Variants in ABR observed in about 807,000 individuals in gnomAD.
ABR encodes the protein ABR activator of RhoGEF and GTPase.
ABR carries 35 observed loss-of-function variants against 107.2 expected under a neutral mutation model. The ratio of observed to expected loss-of-function variants is 0.33; its 90% confidence interval spans 0.25 to 0.43. The LOEUF (loss-of-function observed/expected upper bound fraction) is 0.43, where lower values mean the gene tolerates loss of function less well. ABR is among the 20% of genes least tolerant of loss of function. The pLI, the probability that ABR is intolerant of heterozygous loss-of-function variation, is 1.00. For missense variants in ABR, 815 were observed against 1,115.2 expected (o/e 0.73, Z 3.83); for synonymous variants, 498 against 462.0 (o/e 1.08, Z -1.00).
intron 21 of ABR, 90 bp from the exon 22 acceptor site, chr17:1,007,402 G>A: frequency 6.7e-7 from 1 of 1,487,786 alleles, no homozygotes; most frequent in Non-Finnish European, 9.2e-7. Context: ...GGGAACTCCT[G>A]AAGGACTCCT....
intron 16 of ABR, among the ~76,000 whole-genome samples, chr17:1,039,381 G>C (rs1006348878): frequency 9.2e-5 from 14 of 152,230 alleles, no homozygotes; most frequent in Admixed American, 6.5e-5. Context: ...GGGCGATGGA[G>C]GCAGCTGAGC....
intron 1 of ABR, among the ~76,000 whole-genome samples, chr17:1,217,162 C>T (rs559747397): frequency 2.6e-5 from 4 of 152,232 alleles, no homozygotes; most frequent in South Asian, 4.2e-4. Context: ...AAACAGAAGG[C>T]GAGGCAGCTG....
chr17:1,050,034 G>T lies in ABR; in HGVS notation c.1791+16C>A. The T allele has an allele frequency of 6.2e-7, 1 of 1,610,194 alleles. No individual in the cohort carries two copies. Among genetic ancestry groups the T allele is most frequent in the South Asian group, 1.1e-5 (1 of 90,428 alleles). ...CTGGAGGCTCCCTCAGCCTCGCCCC[G>T]GCGCCCTGGCCTCACCTGGATCTGT... On this transcript the variant is annotated intron_variant, in intron 16 of 22. Transcript: ENST00000302538. This position sits in a 1 kb window ranked among gnomAD's most constrained non-coding sequence, Gnocchi z 4.6.
chr17:1,015,018 C>CA (rs763999207), intron 16 of ABR, among the ~76,000 whole-genome samples: 33 of 151,934 alleles, frequency 2.2e-4, no homozygotes, highest in East Asian at 9.6e-4. Context: ...TTTGCTTCCA[C>CA]AAAAAAAATC....
At chr17:1,194,941 C>T (rs1258406292) in intron 1 of ABR, among the ~76,000 whole-genome samples, 6 of 144,038 alleles carry the variant, frequency 4.2e-5, no homozygotes, top group East Asian at 2.4e-4. Context: ...TGTGAGCCAC[C>T]GCGCCCGACC....
chr17:1,215,294 A>AG (rs2042978215), intron 1 of ABR, among the ~76,000 whole-genome samples: 1 of 151,380 alleles, frequency 6.6e-6, no homozygotes, highest in Non-Finnish European at 1.5e-5. Context: ...GCCGAGCCGA[A>AG]GCTGGACTGT....
chr17:1,207,420 C>T (rs1473080464), intron 1 of ABR, among the ~76,000 whole-genome samples: 10 of 151,816 alleles, frequency 6.6e-5, no homozygotes, highest in East Asian at 3.9e-4. Context: ...GAGGCTGAGG[C>T]GGGCGGATCA....
At chr17:1,026,219 A>G (rs1428244087) in intron 16 of ABR, among the ~76,000 whole-genome samples, 1 of 152,248 alleles carries the variant, frequency 6.6e-6, no homozygotes, top group East Asian at 1.9e-4. Context: ...GCGGGCACAC[A>G]GCAGTTAAGT....
At chr17:1,088,952 A>T (rs1050939677) in intron 4 of ABR, among the ~76,000 whole-genome samples, 3 of 137,608 alleles carry the variant, frequency 2.2e-5, no homozygotes, top group African/African-American at 8.3e-5. Flanking sequence ...CTGGAGTGCA[A>T]TGGTGTGGTT....
intron 16 of ABR, chr17:1,031,750 G>GGT: frequency 8.1e-7 from 1 of 1,236,802 alleles, no homozygotes; most frequent in Non-Finnish European, 1.0e-6. Context: ...ATGCCGGGGG[G>GGT]GACGGGACGC....
At chr17:1,132,264 C>G (rs1217854597) in intron 1 of ABR, among the ~76,000 whole-genome samples, 2 of 152,180 alleles carry the variant, frequency 1.3e-5, no homozygotes, top group Middle Eastern at 3.4e-3. Flanking sequence ...TCTCCTTACC[C>G]CTTGTCCACC....
upstream of ABR, among the ~76,000 whole-genome samples, chr17:1,189,027 G>A (rs576585409): frequency 1.4e-4 from 22 of 152,188 alleles, no homozygotes; most frequent in Non-Finnish European, 2.8e-4. Flanking sequence ...CCAAGCTCTT[G>A]GCACCTTGTC....
At chr17:1,034,723 C>T (rs768988886) in intron 16 of ABR, among the ~76,000 whole-genome samples, 2 of 152,142 alleles carry the variant, frequency 1.3e-5, no homozygotes, top group Non-Finnish European at 2.9e-5. Context: ...CTGCTCTCCA[C>T]GTTTGCGCCA....
At chr17:1,077,840 G>A (rs2035855408) in intron 6 of ABR, among the ~76,000 whole-genome samples, 1 of 152,214 alleles carries the variant, frequency 6.6e-6, no homozygotes, top group South Asian at 2.1e-4. Context: ...TGCTCCCACA[G>A]ACTCAGGCCC....
At chr17:1,067,825 G>A (rs1234383663) in intron 9 of ABR, among the ~76,000 whole-genome samples, 1 of 152,196 alleles carries the variant, frequency 6.6e-6, no homozygotes, top group East Asian at 1.9e-4. Flanking sequence ...CCATCGCAAA[G>A]GACGACAGGC....
rs1057371442 is a variant in ABR at position 1,150,191 on chromosome 17, G to A, written c.62-24824C>T. On this transcript the variant is annotated intron_variant, in intron 1 of 22. Coordinates refer to ENST00000302538, the MANE Select transcript of ABR (RefSeq NM_021962.5). This position sits in a 1 kb window ranked among gnomAD's most constrained non-coding sequence, Gnocchi z 4.8. ...TGAGATTACAGACGTGAGCCACCGCGCCCGGCCTGTGTCAGAATTTTTTTT... is the reference window on the plus strand; with the variant it reads ...TGAGATTACAGACGTGAGCCACCGCACCCGGCCTGTGTCAGAATTTTTTTT... 6.6e-6 allele frequency among the ~76,000 whole-genome samples: 1 copy of A among 151,874 alleles called. No individual in the cohort carries two copies. Among genetic ancestry groups the A allele is most frequent in the Non-Finnish European group, 1.5e-5 (1 of 68,002 alleles).
intron 9 of ABR, 82 bp from the exon 10 acceptor site, chr17:1,067,324 C>A: frequency 2.4e-6 from 3 of 1,275,898 alleles, no homozygotes; most frequent in Admixed American, 3.5e-5. Context: ...AACCACAGAA[C>A]CACTGACAGG....
intron 4 of ABR, among the ~76,000 whole-genome samples, chr17:1,086,234 A>T (rs2036582685): frequency 1.3e-5 from 2 of 152,220 alleles, no homozygotes; most frequent in African/African-American, 4.8e-5. Context: ...AGTGCTCTGG[A>T]GCAAATGGCC....
chr17:1,028,458 T>C (rs987536724), intron 16 of ABR, among the ~76,000 whole-genome samples: 8 of 152,110 alleles, frequency 5.3e-5, no homozygotes, highest in African/African-American at 1.9e-4. Flanking sequence ...GGTCTTGGAC[T>C]CCTGACATCA....
Sources: allele counts gnomAD v4.1 joint callset (sites outside exome capture counted in the v4.1 genomes callset), GRCh38; gene constraint gnomAD v4.1.1; non-coding constraint Gnocchi (gnomAD v3.1); transcripts MANE v1.5; gene names NCBI Gene and HGNC (gene_info 2026-07-23, HGNC 2026-07-21).